ACSL4: variants seen among roughly 807,000 people sequenced by gnomAD.
ACSL4 encodes acyl-CoA synthetase long chain family member 4, also known as long-chain-fatty-acid--CoA ligase 4.
ACSL4 carries 9 observed loss-of-function variants against 49.1 expected under a neutral mutation model. The observed-to-expected ratio is 0.18, with a 90% CI of 0.11 to 0.32. The LOEUF (loss-of-function observed/expected upper bound fraction) is 0.32, where lower values mean the gene tolerates loss of function less well. Ranked by LOEUF, ACSL4 falls within the 10% of genes least tolerant of loss-of-function variation. The probability of loss-of-function intolerance (pLI) is 1.00; values close to 1 mark genes in which losing one functional copy is unlikely to be tolerated. For synonymous variants in ACSL4, 191 were observed against 170.3 expected (o/e 1.12, Z -0.95); for missense variants, 333 against 493.7 (o/e 0.67, Z 3.08).
At chrX:109,663,836 G>A (rs777450541) in intron 12 of ACSL4, among the ~76,000 whole-genome samples, 22 of 111,434 alleles carry the variant, frequency 2.0e-4, no homozygotes, top group African/African-American at 6.2e-4. Flanking sequence ...AAAAATGGTA[G>A]CATCATAAAG....
intron 1 of ACSL4, among the ~76,000 whole-genome samples, chrX:109,700,643 T>C (rs1381488995): frequency 1.8e-5 from 2 of 111,388 alleles, no homozygotes; most frequent in African/African-American, 6.5e-5. Flanking sequence ...ATTAAATAAA[T>C]GTTATAACAT....
At position 109,645,540 on chromosome X, in the gene ACSL4, A is replaced by G. The variant is rs1404382241; in HGVS notation, c.1856-1354T>C. Among the ~76,000 whole-genome samples, 14 of 112,099 alleles carry G rather than the reference A, an allele frequency of 1.2e-4. 3 individuals carry two copies. Among genetic ancestry groups the G allele is most frequent in the South Asian group, 7.4e-4 (2 of 2,704 alleles). On this transcript the variant is annotated intron_variant, in intron 15 of 15. Transcript: ENST00000672401. ...GATCTGTACATCACCATCATCAAAG[A>G]CCAAAAGTAGATAAAACCACAAAGA... is the stretch of plus-strand genomic sequence containing the variant.
intron 2 of ACSL4, among the ~76,000 whole-genome samples, chrX:109,695,423 A>G (rs1925366355): frequency 9.1e-6 from 1 of 109,557 alleles, no homozygotes; most frequent in African/African-American, 3.3e-5. Context: ...CATCAATAAT[A>G]ATGAACCACT....
intron 1 of ACSL4, among the ~76,000 whole-genome samples, chrX:109,714,196 TG>T (rs1926956011): frequency 8.9e-6 from 1 of 112,007 alleles, no homozygotes; most frequent in Non-Finnish European, 1.9e-5. Context: ...GTTTTGAGAC[TG>T]TGTCTTAGTT....
In ACSL4 at chrX:109,678,264, C is replaced by T; in HGVS notation, c.806+1G>A. On this transcript the variant is annotated splice_donor_variant, in intron 7 of 15. Transcript: ENST00000672401. LOFTEE classifies it high-confidence loss of function. ...AGAAGAAAGTTAAAGAATTATCTTACCCCAGTCCAGGTATTCTTTCACACT... is the reference window on the plus strand; with the variant it reads ...AGAAGAAAGTTAAAGAATTATCTTATCCCAGTCCAGGTATTCTTTCACACT... The T allele has an allele frequency of 8.3e-7, 1 of 1,211,473 alleles. No homozygotes were observed. Among genetic ancestry groups the T allele is most frequent in the Non-Finnish European group, 1.1e-6 (1 of 895,324 alleles).
intron 15 of ACSL4, 90 bp from the exon 16 acceptor site, chrX:109,644,276 G>A: frequency 1.2e-6 from 1 of 845,366 alleles, no homozygotes; most frequent in East Asian, 3.4e-5. Context: ...GGAAGGAGAA[G>A]CAATTAATAA....
chrX:109,700,991 C>T (rs771436310), intron 1 of ACSL4, among the ~76,000 whole-genome samples: 3 of 110,121 alleles, frequency 2.7e-5, no homozygotes, highest in South Asian at 7.9e-4. Flanking sequence ...TGCCGTGAGC[C>T]GAGATCGCAC....
intron 1 of ACSL4, among the ~76,000 whole-genome samples, chrX:109,732,400 T>C (rs1452918824): frequency 1.8e-5 from 2 of 111,278 alleles, no homozygotes; most frequent in African/African-American, 6.6e-5. Flanking sequence ...TTCTCCTAGA[T>C]TTTTCTATGT....
Position 109,688,649 on chromosome X carries a change from A to T in ACSL4, c.-12-5274T>A, listed in dbSNP as rs138697914. On this transcript the variant is annotated intron_variant, in intron 2 of 15. Transcript: ENST00000672401. The stretch of plus-strand genomic sequence containing the variant: ...GTTCTCCTCATCAGGGTCTCCAATG[A>T]CTTCCATGCTATTAGATCCAAAGGT... Among the ~76,000 whole-genome samples the T allele has an allele frequency of 4.3e-4, 48 of 110,993 alleles. 1 individual carries two copies. In the East Asian group the frequency reaches 0.014, roughly 32 times the overall value.
chrX:109,647,524 G>T (rs143309247), intron 15 of ACSL4, among the ~76,000 whole-genome samples: 4,980 of 111,705 alleles, frequency 0.045, 102 homozygotes, highest in Non-Finnish European at 0.067. Context: ...ATTCAAAGCA[G>T]TGTGTAGATG....
At chrX:109,671,322 G>A (rs987873941) in intron 9 of ACSL4, among the ~76,000 whole-genome samples, 5 of 110,811 alleles carry the variant, frequency 4.5e-5, no homozygotes, top group Admixed American at 9.4e-5. Context: ...CCGCCGCCCC[G>A]TCTGGGAGAT....
intron 1 of ACSL4, among the ~76,000 whole-genome samples, chrX:109,729,560 C>T (rs1199525596): frequency 4.5e-5 from 5 of 111,879 alleles, no homozygotes; most frequent in African/African-American, 1.6e-4. Context: ...AGTGCTATAC[C>T]ACCCAAGAAG....
intron 1 of ACSL4, among the ~76,000 whole-genome samples, chrX:109,728,754 T>G (rs369441203): frequency 1.8e-4 from 20 of 112,351 alleles, no homozygotes; most frequent in Non-Finnish European, 3.2e-4. Flanking sequence ...TTGTAAGATT[T>G]CTTGACACCA....
chrX:109,683,721 C>A lies in ACSL4; in HGVS notation c.-12-346G>T. 2 of 341,738 alleles carry A rather than the reference C, an allele frequency of 5.9e-6. No homozygotes were observed. Among genetic ancestry groups the A allele is most frequent in the African/African-American group, 2.6e-5 (1 of 38,495 alleles). The allele number at this position is 341,738 out of a possible 1,213,427, so 28.2% of individuals were successfully genotyped here. A position where few individuals can be genotyped will look rare whatever the true frequency, so the allele number is the denominator to read the frequency against. On this transcript the variant is annotated intron_variant, in intron 2 of 15. Coordinates refer to ENST00000672401, the MANE Select transcript of ACSL4 (RefSeq NM_001318510.2). ...GAGCAGGAAAAATAAAAACAAAAAA[C>A]AAAAAACAAAAACAAAAGAATATTA...
intron 1 of ACSL4, among the ~76,000 whole-genome samples, chrX:109,697,132 T>C (rs1362409437): frequency 8.9e-5 from 10 of 112,508 alleles, no homozygotes; most frequent in Admixed American, 2.8e-4. Context: ...GGTTGAGGGT[T>C]TGACCTATTT....
In ACSL4 at chrX:109,682,786, G is replaced by A. The variant is rs987163849; in HGVS notation, c.339C>T (p.Ala113=). Residue 113 remains alanine, a synonymous_variant, in exon 4 of 16, where the codon GCC becomes GCT. Coordinates refer to ENST00000672401, the MANE Select transcript of ACSL4 (RefSeq NM_001318510.2). ...ALGLKPKNTI[A]IFCETRAEWM... is the part of the protein sequence containing the mutation. ...ATTCGGCCCTGGTCTCACAGAAGAT[G>A]GCAATGGTGTTCTTTGGTTTTAGTC... is the stretch of plus-strand genomic sequence containing the variant. 8.3e-7 allele frequency: 1 copy of A among 1,211,751 alleles called. No individual in the cohort carries two copies. The highest frequency in any genetic ancestry group is 1.7e-5 in the African/African-American group (1 of 57,795).
intron 1 of ACSL4, among the ~76,000 whole-genome samples, chrX:109,730,144 C>T (rs1033674036): frequency 7.1e-5 from 8 of 112,148 alleles, no homozygotes. Flanking sequence ...TGGATTGCAT[C>T]GATTTCAATT....
At position 109,719,462 on chromosome X, in the gene ACSL4, C is replaced by T. The variant is rs746893720; in HGVS notation, c.-66+13677G>A. ...ACTCCCCTATTTTGTACTCCTCGCG[C>T]TGAAAATCATCAATCATTCAGTTCT... On this transcript the variant is annotated intron_variant, in intron 1 of 15. Coordinates refer to ENST00000672401, the MANE Select transcript of ACSL4 (RefSeq NM_001318510.2). 2.7e-5 allele frequency among the ~76,000 whole-genome samples: 3 copies of T among 112,104 alleles called. No individual in the cohort carries two copies. The South Asian group carries it at 1.1e-3, about 42-fold the overall frequency.
chrX:109,649,215 C>T (rs55634956), intron 15 of ACSL4, among the ~76,000 whole-genome samples: 1 of 111,524 alleles, frequency 9.0e-6, no homozygotes, highest in Non-Finnish European at 1.9e-5. Flanking sequence ...CCAGCATCGC[C>T]AAGTCAATCC....
Sources: allele counts gnomAD v4.1 joint callset (sites outside exome capture counted in the v4.1 genomes callset), GRCh38; gene constraint gnomAD v4.1.1; transcripts MANE v1.5; gene names NCBI Gene and HGNC (gene_info 2026-07-23, HGNC 2026-07-21).